ULK4: variants seen among roughly 807,000 people sequenced by gnomAD.
ULK4 encodes the protein inactive serine/threonine-protein kinase ULK4.
A neutral mutation model predicts 160.6 loss-of-function variants in ULK4; 133 were observed. The ratio of observed to expected loss-of-function variants is 0.83; its 90% CI spans 0.72 to 0.96. ULK4 has a LOEUF of 0.96. Among genes scored for constraint, ULK4 ranks in the 40% least tolerant of loss-of-function variants. The pLI is 0.00. For missense variants in ULK4, 1,580 were observed against 1,499.5 expected (o/e 1.05, Z -0.89); for synonymous variants, 534 against 539.8 (o/e 0.99, Z 0.15).
chr3:41,913,117 A>G, intron 8 of ULK4: 1 of 433,316 alleles, frequency 2.3e-6, no homozygotes, highest in Non-Finnish European at 4.1e-6. Flanking sequence ...ACAGAATGAA[A>G]CAGTCTGATA....
intron 34 of ULK4, among the ~76,000 whole-genome samples, chr3:41,446,619 C>G (rs961766732): frequency 1.4e-5 from 2 of 138,470 alleles, no homozygotes; most frequent in Non-Finnish European, 3.1e-5. Context: ...AGCAAACTAT[C>G]GCAGGGACAA....
At chr3:41,660,342 C>T (rs1268647907) in intron 30 of ULK4, among the ~76,000 whole-genome samples, 5 of 151,836 alleles carry the variant, frequency 3.3e-5, no homozygotes, top group African/African-American at 1.2e-4. Context: ...TTCACATTAG[C>T]TTGCATTTGG....
At chr3:41,501,819 T>C (rs185518432) in intron 32 of ULK4, among the ~76,000 whole-genome samples, 5 of 152,216 alleles carry the variant, frequency 3.3e-5, no homozygotes, top group South Asian at 2.1e-4. Flanking sequence ...AATTATCCCA[T>C]TCCCTGCACC....
intron 18 of ULK4, among the ~76,000 whole-genome samples, chr3:41,829,418 A>G (rs561576102): frequency 7.6e-5 from 11 of 144,310 alleles, no homozygotes; most frequent in Admixed American, 6.1e-4. Context: ...GCTAATATCC[A>G]GAATCTACAA....
chr3:41,869,429 A>T (rs1301151629), intron 17 of ULK4, among the ~76,000 whole-genome samples: 5 of 152,088 alleles, frequency 3.3e-5, no homozygotes, highest in Non-Finnish European at 5.9e-5. Flanking sequence ...TAAAATAAAA[A>T]AATTAGCCGG....
chr3:41,714,674 T>C (rs988801624), intron 25 of ULK4, among the ~76,000 whole-genome samples: 1 of 152,084 alleles, frequency 6.6e-6, no homozygotes, highest in African/African-American at 2.4e-5. Context: ...TTTCTACTTG[T>C]ATCCTCAAAA....
At chr3:41,653,344 G>T (rs2034816067) in intron 30 of ULK4, among the ~76,000 whole-genome samples, 1 of 152,144 alleles carries the variant, frequency 6.6e-6, no homozygotes, top group Non-Finnish European at 1.5e-5. Flanking sequence ...GAAAACCACA[G>T]TAAAAGTTCT....
chr3:41,856,267 A>T (rs924085061), intron 17 of ULK4, among the ~76,000 whole-genome samples: 7 of 151,878 alleles, frequency 4.6e-5, no homozygotes, highest in African/African-American at 1.7e-4. Flanking sequence ...CAAAAAAAGA[A>T]GTCTATTTAG....
intron 32 of ULK4, among the ~76,000 whole-genome samples, chr3:41,468,909 A>C (rs1436059984): frequency 6.6e-6 from 1 of 152,236 alleles, no homozygotes; most frequent in Non-Finnish European, 1.5e-5. Context: ...AAGGAGGTGT[A>C]GTAGAAAGCC....
At chr3:41,259,497 G>A (rs1011011767) in intron 35 of ULK4, among the ~76,000 whole-genome samples, 4 of 152,218 alleles carry the variant, frequency 2.6e-5, no homozygotes, top group African/African-American at 9.6e-5. Flanking sequence ...CCAAGGCAAA[G>A]TGGCCATTGA....
intron 27 of ULK4, among the ~76,000 whole-genome samples, chr3:41,693,943 C>T (rs995335211): frequency 2.0e-5 from 3 of 152,140 alleles, no homozygotes; most frequent in Non-Finnish European, 4.4e-5. Context: ...ATCCAAGTAC[C>T]TTATGAACAC....
intron 2 of ULK4, 75 bp from the exon 3 acceptor site, chr3:41,938,272 T>C (rs1699843832): frequency 9.4e-7 from 1 of 1,064,452 alleles, no homozygotes. Flanking sequence ...AACCTAAATA[T>C]ACAATTGGTA....
intron 31 of ULK4, among the ~76,000 whole-genome samples, chr3:41,575,671 C>A (rs2088163591): frequency 6.6e-6 from 1 of 152,206 alleles, no homozygotes; most frequent in African/African-American, 2.4e-5. Context: ...GTGATACATT[C>A]CAGCTGGCAC....
At chr3:41,916,158 T>C (rs1698960177) in intron 7 of ULK4, 106 bp from the exon 8 acceptor site, 5 of 670,478 alleles carry the variant, frequency 7.5e-6, no homozygotes, top group African/African-American at 1.9e-5. Context: ...TTTAAACACA[T>C]ACATTATTAT....
intron 19 of ULK4, among the ~76,000 whole-genome samples, chr3:41,801,156 G>C (rs1186283887): frequency 6.6e-6 from 1 of 152,094 alleles, no homozygotes; most frequent in African/African-American, 2.4e-5. Context: ...ATATAAAAAT[G>C]ACCCAAATCA....
At chr3:41,375,193 G>A (rs6809724) in intron 35 of ULK4, among the ~76,000 whole-genome samples, 84,346 of 151,960 alleles carry the variant, frequency 0.56, 25,287 homozygotes, top group African/African-American at 0.8. Flanking sequence ...AGTATTGTGA[G>A]AACAGCCATA....
intron 22 of ULK4, among the ~76,000 whole-genome samples, chr3:41,737,288 T>C (rs1029546621): frequency 2.0e-5 from 3 of 151,926 alleles, no homozygotes; most frequent in African/African-American, 4.9e-5. Context: ...AATAAAATAC[T>C]TAGGAATCCA....
intron 35 of ULK4, among the ~76,000 whole-genome samples, chr3:41,270,827 G>A (rs1364976203): frequency 6.6e-6 from 1 of 152,158 alleles, no homozygotes; most frequent in Admixed American, 6.5e-5. Flanking sequence ...AAGTCTGAGA[G>A]TAGAGTACAT....
chr3:41,920,746 C>A (rs1699153671), intron 5 of ULK4, among the ~76,000 whole-genome samples: 1 of 152,062 alleles, frequency 6.6e-6, no homozygotes, highest in African/African-American at 2.4e-5. Context: ...ATCTCCAGAG[C>A]CCATTACAGC....
Sources: allele counts gnomAD v4.1 joint callset (sites outside exome capture counted in the v4.1 genomes callset), GRCh38; gene constraint gnomAD v4.1.1; transcripts MANE v1.5; gene names NCBI Gene and HGNC (gene_info 2026-07-23, HGNC 2026-07-21).